The following MAL2 variants were observed in gnomAD, a reference collection of about 807,000 sequenced individuals.
The protein encoded by MAL2 is mal, T cell differentiation protein 2, also known as protein MAL2.
A neutral mutation model predicts 18.1 loss-of-function variants in MAL2; 17 were observed. That is an observed-to-expected ratio of 0.94 (90% confidence interval 0.64 to 1.41). MAL2 has a LOEUF of 1.41. Among genes scored for constraint, MAL2 ranks in the 40% most tolerant of loss-of-function variants. The pLI is 0.00. For synonymous variants in MAL2, 102 were observed against 102.3 expected (o/e 1.00, Z 0.02); for missense variants, 222 against 231.9 (o/e 0.96, Z 0.28).
At chr8:119,242,970 A>G (rs1384502799) in intron 3 of MAL2, among the ~76,000 whole-genome samples, 1 of 152,184 alleles carries the variant, frequency 6.6e-6, no homozygotes, top group East Asian at 1.9e-4. Context: ...CACTTGTCTT[A>G]GTTGAGTTTT....
intron 1 of MAL2, among the ~76,000 whole-genome samples, chr8:119,214,173 T>C (rs1817308268): frequency 1.3e-5 from 2 of 152,228 alleles, no homozygotes; most frequent in Admixed American, 1.3e-4. Flanking sequence ...ATCATGCACA[T>C]GCAGTACTTA....
chr8:119,238,899 T>A (rs1425855029), intron 2 of MAL2, among the ~76,000 whole-genome samples: 1 of 151,688 alleles, frequency 6.6e-6, no homozygotes, highest in African/African-American at 2.4e-5. Flanking sequence ...CCAAAAGCAA[T>A]GGCAACACAA....
chr8:119,224,481 A>G (rs1055965117), intron 2 of MAL2, among the ~76,000 whole-genome samples: 1 of 152,230 alleles, frequency 6.6e-6, no homozygotes, highest in Non-Finnish European at 1.5e-5. Flanking sequence ...CCCAAAGTAT[A>G]ACTGGCACAC....
intron 1 of MAL2, among the ~76,000 whole-genome samples, chr8:119,216,895 T>A (rs903956789): frequency 6.6e-5 from 10 of 152,132 alleles, no homozygotes; most frequent in Non-Finnish European, 1.3e-4. Context: ...TTTGAAAAAA[T>A]TTTTAGCTGT....
At chr8:119,232,135 C>T (rs1034879028) in intron 2 of MAL2, among the ~76,000 whole-genome samples, 76 of 151,896 alleles carry the variant, frequency 5.0e-4, no homozygotes, top group African/African-American at 1.8e-3. Flanking sequence ...TATAAATTAG[C>T]TCCACTTAGC....
chr8:119,227,449 A>G (rs979325803), intron 2 of MAL2, among the ~76,000 whole-genome samples: 1 of 152,202 alleles, frequency 6.6e-6, no homozygotes, highest in East Asian at 1.9e-4. Flanking sequence ...ACTTCAGAAC[A>G]CAGCCTGTCC....
chr8:119,221,601 T>C lies in MAL2; in HGVS notation c.147T>C (p.Leu49=). Reference sequence around the variant, plus strand: ...TTCTCTTTCAGCTGTTCGGGGGTCTTGTCTGGATTTTGGTTGCCTCCTCCA... The same window carrying C: ...TTCTCTTTCAGCTGTTCGGGGGTCTCGTCTGGATTTTGGTTGCCTCCTCCA... The part of the protein sequence containing the change: ...FVCLEILFGG[L]VWILVASSNV... Residue 49 remains leucine (L), a synonymous_variant, in exon 2 of 4, where the codon CTT becomes CTC. Coordinates refer to ENST00000614891, the MANE Select transcript of MAL2 (RefSeq NM_052886.3). The C allele has an allele frequency of 6.2e-7, 1 of 1,613,842 alleles. No individual in the cohort carries two copies. The highest frequency in any genetic ancestry group is 1.1e-5 in the South Asian group (1 of 91,070).
At chr8:119,231,856 T>G (rs1442566785) in intron 2 of MAL2, among the ~76,000 whole-genome samples, 1 of 152,118 alleles carries the variant, frequency 6.6e-6, no homozygotes, top group African/African-American at 2.4e-5. Flanking sequence ...ATATGTGAAA[T>G]CTTGAACAGT....
chr8:119,231,988 T>C (rs1490139227), intron 2 of MAL2, among the ~76,000 whole-genome samples: 4 of 152,252 alleles, frequency 2.6e-5, no homozygotes, highest in South Asian at 2.1e-4. Context: ...AAGAGATCTA[T>C]TGTACAGCAT....
chr8:119,238,558 G>A (rs928744956), intron 2 of MAL2, among the ~76,000 whole-genome samples: 2 of 148,850 alleles, frequency 1.3e-5, no homozygotes, highest in African/African-American at 5.0e-5. Flanking sequence ...AAACAGCATG[G>A]TACTGGGACC....
chr8:119,222,242 A>T (rs1364390901), intron 2 of MAL2, among the ~76,000 whole-genome samples: 1 of 152,084 alleles, frequency 6.6e-6, no homozygotes, highest in Admixed American at 6.6e-5. Context: ...TTTAAAAATG[A>T]ATTTGTGGCC....
chr8:119,215,689 G>A (rs1261474602), intron 1 of MAL2: 1 of 152,192 alleles, frequency 6.6e-6, no homozygotes, highest in Non-Finnish European at 1.5e-5. Flanking sequence ...AGCATGCTAG[G>A]CAGAAACATG....
chr8:119,235,755 TCAC>T (rs2129893444), intron 2 of MAL2, among the ~76,000 whole-genome samples: 1 of 147,710 alleles, frequency 6.8e-6, no homozygotes, highest in East Asian at 2.0e-4. Flanking sequence ...AGAGGTTTTG[TCAC>T]CACCAGGCCT....
intron 2 of MAL2, among the ~76,000 whole-genome samples, chr8:119,239,640 AATC>A (rs1818002347): frequency 6.6e-6 from 1 of 151,756 alleles, no homozygotes; most frequent in South Asian, 2.1e-4. Flanking sequence ...TGAAATTGGA[AATC>A]ATCATTCTCA....
chr8:119,234,365 G>T (rs189766715), intron 2 of MAL2, among the ~76,000 whole-genome samples: 10,349 of 152,166 alleles, frequency 0.068, 445 homozygotes, highest in Non-Finnish European at 0.092. Flanking sequence ...ACTGCAAGGC[G>T]GCAACAAGGC....
At chr8:119,223,459 C>CAAGT (rs1817511843) in intron 2 of MAL2, 2 of 152,142 alleles carry the variant, frequency 1.3e-5, no homozygotes, top group Admixed American at 1.3e-4. Context: ...TTTGTTTTCC[C>CAAGT]AAGTTTGCAT....
Position 119,208,927 on chromosome 8 carries a change from C to A in MAL2, c.132+323C>A. The A allele has an allele frequency of 1.0e-5, 2 of 195,632 alleles. No individual in the cohort carries two copies. Among genetic ancestry groups the A allele is most frequent in the Non-Finnish European group, 2.0e-5 (2 of 97,886 alleles). The allele number at this position is 195,632 out of a possible 1,614,324, so 12.1% of individuals were successfully genotyped here. A position where few individuals can be genotyped will look rare whatever the true frequency, so the allele number is the denominator to read the frequency against. On this transcript the variant is annotated intron_variant, in intron 1 of 3. Coordinates refer to ENST00000614891, the MANE Select transcript of MAL2 (RefSeq NM_052886.3). This position sits in a 1 kb window ranked among gnomAD's most constrained non-coding sequence, Gnocchi z 4.3. ...GGGCTCAGAGGCGCCTTTAGAAACC[C>A]AGGGCATGGCCAGGGGCCGCGCTTG...
intron 2 of MAL2, among the ~76,000 whole-genome samples, chr8:119,238,117 T>C (rs1391229802): frequency 6.6e-6 from 1 of 152,136 alleles, no homozygotes; most frequent in Non-Finnish European, 1.5e-5. Context: ...TGTACAAAAA[T>C]CACAAGCATT....
intron 2 of MAL2, among the ~76,000 whole-genome samples, chr8:119,228,052 A>G (rs976414144): frequency 6.6e-6 from 1 of 152,068 alleles, no homozygotes; most frequent in Non-Finnish European, 1.5e-5. Context: ...CCTCAAGTAG[A>G]TCACCTGAGG....
Sources: allele counts gnomAD v4.1 joint callset (sites outside exome capture counted in the v4.1 genomes callset), GRCh38; gene constraint gnomAD v4.1.1; non-coding constraint Gnocchi (gnomAD v3.1); transcripts MANE v1.5; gene names NCBI Gene and HGNC (gene_info 2026-07-23, HGNC 2026-07-21).